CA5A: variants seen among roughly 807,000 people sequenced by gnomAD.
The protein encoded by CA5A is carbonic anhydrase 5A, mitochondrial.
Under a neutral mutation model 37.1 loss-of-function variants are expected in CA5A, and 28 were observed. The ratio of observed to expected loss-of-function variants is 0.75; its 90% CI spans 0.56 to 1.03. The LOEUF (loss-of-function observed/expected upper bound fraction) is 1.03, where lower values mean the gene tolerates loss of function less well. Ranked by LOEUF, CA5A falls within the 50% of genes least tolerant of loss-of-function variation. CA5A has a pLI of 0.00. For missense variants in CA5A, 444 were observed against 399.9 expected, an observed-to-expected ratio of 1.11 and a Z score of -0.94; for synonymous variants, 171 against 158.4, an observed-to-expected ratio of 1.08 and a Z score of -0.60.
chr16:87,903,176 T>C (rs1367760491), intron 3 of CA5A, among the ~76,000 whole-genome samples: 1 of 152,152 alleles, frequency 6.6e-6, no homozygotes, highest in Non-Finnish European at 1.5e-5. Context: ...CTCACGCCTA[T>C]AATCTCAGCA....
In CA5A at chr16:87,924,845, G is replaced by A. The variant is rs112037144; in HGVS notation, c.340+1903C>T. Among the ~76,000 whole-genome samples the A allele has an allele frequency of 2.7e-3, 414 of 152,356 alleles. 2 individuals are homozygous for A. Among genetic ancestry groups the A allele is most frequent in the African/African-American group, 9.6e-3 (398 of 41,596 alleles). On this transcript the variant is annotated intron_variant, in intron 2 of 6. Transcript: ENST00000649794. ...CGTGGAAGCAGGTCCGGGCATGCTG[G>A]CAGCCATGTGGGAGTTTCTGGGCAG...
intron 5 of CA5A, among the ~76,000 whole-genome samples, chr16:87,897,512 T>C (rs1203967271): frequency 8.2e-6 from 1 of 122,608 alleles, no homozygotes; most frequent in East Asian, 2.7e-4. Context: ...GATGGGATGG[T>C]GCTGGGGGTG....
rs375321548 is a variant in CA5A at position 87,901,974 on chromosome 16, G to A, written c.556C>T (p.Leu186Phe). 1.6e-4 allele frequency: 254 copies of A among 1,613,518 alleles called. 2 individuals are homozygous for A. Among genetic ancestry groups the A allele is most frequent in the Non-Finnish European group, 9.0e-5 (106 of 1,179,686 alleles). Residue 186 changes from leucine to phenylalanine, a missense_variant and splice_region_variant, in exon 5 of 7, where the codon CTC becomes TTC. By Grantham distance (22) the Leu-to-Phe change is conservative (BLOSUM62 0). Transcript: ENST00000649794. The stretch of plus-strand genomic sequence containing the variant: ...TGCAGCGTCTGATGATGGGCCCCGA[G>A]CTGCATGGCAGACAAAGGAGGGGTT... ...GLAVIGVFLK[L>F]GAHHQTLQRL...
intron 1 of CA5A, among the ~76,000 whole-genome samples, chr16:87,934,988 T>C (rs1597595462): frequency 6.6e-6 from 1 of 152,132 alleles, no homozygotes; most frequent in African/African-American, 2.4e-5. Flanking sequence ...GAGTCTGGGG[T>C]GGGCCAGGCT....
rs142257978 is a variant in CA5A, at chr16:87,917,598, G to A, written c.340+9150C>T. ...GATGGAAACACACGTGTGCACACAT[G>A]CACACACCACACATGTGCACACACA... On this transcript the variant is annotated intron_variant, in intron 2 of 6. Coordinates refer to ENST00000649794, the MANE Select transcript of CA5A (RefSeq NM_001739.2). Among the ~76,000 whole-genome samples, 347 of 152,194 alleles carry A rather than the reference G, an allele frequency of 2.3e-3. 4 individuals are homozygous for A. In the Middle Eastern group the frequency reaches 0.024, roughly 10 times the overall value.
chr16:87,916,239 G>A (rs751083464), intron 2 of CA5A, among the ~76,000 whole-genome samples: 1 of 151,754 alleles, frequency 6.6e-6, no homozygotes, highest in Non-Finnish European at 1.5e-5. Flanking sequence ...CCAGCACTTT[G>A]GGAGGCTGAG....
intron 5 of CA5A, among the ~76,000 whole-genome samples, chr16:87,896,403 G>C (rs1318968624): frequency 1.3e-5 from 2 of 152,220 alleles, no homozygotes; most frequent in Non-Finnish European, 2.9e-5. Flanking sequence ...ATGAGGGCTG[G>C]AGCAGCCATG....
intron 5 of CA5A, among the ~76,000 whole-genome samples, chr16:87,899,736 A>G (rs2055850989): frequency 6.6e-6 from 1 of 150,446 alleles, no homozygotes; most frequent in Admixed American, 6.6e-5. Flanking sequence ...CCTGGCCAAC[A>G]TGGTGAAATC....
intron 1 of CA5A, among the ~76,000 whole-genome samples, chr16:87,932,154 T>C (rs1023586143): frequency 6.6e-6 from 1 of 151,628 alleles, no homozygotes; most frequent in East Asian, 1.9e-4. Flanking sequence ...CAAATCTCCC[T>C]TGCATCCAAC....
At chr16:87,909,449 G>C (rs1186167466) in intron 2 of CA5A, among the ~76,000 whole-genome samples, 2 of 152,214 alleles carry the variant, frequency 1.3e-5, no homozygotes, top group African/African-American at 4.8e-5. Context: ...TCTTCTAAGA[G>C]GATAACTGCA....
intron 1 of CA5A, among the ~76,000 whole-genome samples, chr16:87,929,669 G>C (rs12711485): frequency 0.11 from 15,982 of 151,476 alleles, 2,723 homozygotes; most frequent in African/African-American, 0.35. Context: ...TCAGGAGATC[G>C]AGACCATCCT....
chr16:87,923,589 G>C, intron 2 of CA5A: 1 of 985,418 alleles, frequency 1.0e-6, no homozygotes, highest in Non-Finnish European at 1.2e-6. Context: ...ATGAGGTCTT[G>C]GTGAGGACAT....
chr16:87,924,542 A>G (rs2144057842), intron 2 of CA5A, among the ~76,000 whole-genome samples: 1 of 152,258 alleles, frequency 6.6e-6, no homozygotes, highest in South Asian at 2.1e-4. Flanking sequence ...GGCTCAGCGC[A>G]CTCATCCGTG....
chr16:87,905,720 C>CCTGCTTAAT (rs1250109566), intron 2 of CA5A, among the ~76,000 whole-genome samples: 7 of 152,180 alleles, frequency 4.6e-5, no homozygotes, highest in Non-Finnish European at 1.0e-4. Context: ...TCTGGCAGTC[C>CCTGCTTAAT]CTGCTTAATC....
downstream of CA5A, chr16:87,886,070 T>G (rs1410975080): frequency 2.6e-5 from 4 of 151,682 alleles, no homozygotes; most frequent in African/African-American, 9.7e-5. Context: ...AGAATGAGCT[T>G]GCCGAGAGAG....
chr16:87,897,172 C>T (rs192744101), intron 5 of CA5A, among the ~76,000 whole-genome samples: 36 of 152,374 alleles, frequency 2.4e-4, no homozygotes, highest in African/African-American at 8.2e-4. Flanking sequence ...GGGCACAGAG[C>T]CGTTCCCTGG....
intron 1 of CA5A, among the ~76,000 whole-genome samples, chr16:87,934,620 A>G (rs959761455): frequency 6.6e-6 from 1 of 152,066 alleles, no homozygotes; most frequent in African/African-American, 2.4e-5. Flanking sequence ...CAGTGGGGCC[A>G]AGATTCCAAT....
intron 2 of CA5A, among the ~76,000 whole-genome samples, chr16:87,905,551 G>A (rs1489892097): frequency 2.0e-5 from 3 of 152,130 alleles, no homozygotes; most frequent in African/African-American, 7.2e-5. Context: ...TAGAGACGGG[G>A]TTTCACCATG....
rs141423078 is a variant in CA5A at position 87,924,215 on chromosome 16, G to C, written c.340+2533C>G. 622 of 985,448 alleles carry C rather than the reference G, an allele frequency of 6.3e-4. No homozygotes were observed. The African/African-American group carries it at 0.01, about 16-fold the overall frequency. The allele number at this position is 985,448 out of a possible 1,614,324, so 61.0% of individuals were successfully genotyped here. The stretch of plus-strand genomic sequence containing the variant: ...CACTTTGCTTACGTTGGCTGGAGTT[G>C]GGGTTACTGCTGCTGGCACTCAGCA... On this transcript the variant is annotated intron_variant, in intron 2 of 6. Transcript: ENST00000649794.
Sources: gnomAD v4.1 joint callset for allele counts (sites outside exome capture counted in the v4.1 genomes callset) on GRCh38, gnomAD v4.1.1 for gene constraint, MANE v1.5 for transcripts, NCBI Gene and HGNC (gene_info 2026-07-23, HGNC 2026-07-21) for gene names.